Variants in SUMF1 observed in about 807,000 individuals in gnomAD.
SUMF1 encodes the protein sulfatase modifying factor 1, also known as formylglycine-generating enzyme.
A neutral mutation model predicts 47.6 loss-of-function variants in SUMF1; 48 were observed. The ratio of observed to expected loss-of-function variants is 1.01; its 90% CI spans 0.80 to 1.28. SUMF1 has a LOEUF of 1.28. SUMF1 is among the 50% of genes most tolerant of loss of function. SUMF1 has a pLI of 0.00. For synonymous variants in SUMF1, 230 were observed against 192.1 expected (o/e 1.20, Z -1.63); for missense variants, 571 against 485.4 (o/e 1.18, Z -1.66).
intron 8 of SUMF1, among the ~76,000 whole-genome samples, chr3:4,367,312 C>G (rs1405571977): frequency 1.3e-5 from 2 of 152,312 alleles, no homozygotes; most frequent in East Asian, 1.9e-4. Flanking sequence ...TGTCTGTGCC[C>G]TGCCCCCAGA....
chr3:4,174,210 G>T (rs1441793068), intron 8 of SUMF1, among the ~76,000 whole-genome samples: 1 of 151,788 alleles, frequency 6.6e-6, no homozygotes, highest in East Asian at 1.9e-4. Context: ...CAAAAAATTA[G>T]CCAGGCATGG....
At chr3:4,426,038 G>A (rs1438881788) in intron 3 of SUMF1, among the ~76,000 whole-genome samples, 1 of 152,042 alleles carries the variant, frequency 6.6e-6, no homozygotes, top group Non-Finnish European at 1.5e-5. Context: ...ACCTACCACC[G>A]GGTCCCTCCC....
At position 4,175,458 on chromosome 3, in the gene SUMF1, G is replaced by A. The variant is rs142678079; in HGVS notation, c.1015-106713C>T. 3.0e-3 allele frequency among the ~76,000 whole-genome samples: 463 copies of A among 152,268 alleles called. 4 individuals are homozygous for A. Among genetic ancestry groups the A allele is most frequent in the African/African-American group, 0.01 (436 of 41,550 alleles). On this transcript the variant is annotated intron_variant and NMD_transcript_variant, in intron 8 of 12. Transcript: ENST00000448413. ...CTGCAGCTGAGGGACCTGACTGTTA[G>A]AAGGAAAACTAACAAACAAAAAGCA...
intron 8 of SUMF1, among the ~76,000 whole-genome samples, chr3:4,299,168 T>C (rs1233668589): frequency 1.3e-5 from 2 of 152,210 alleles, no homozygotes; most frequent in Non-Finnish European, 2.9e-5. Context: ...TTAAAATCTA[T>C]AGCTTCTGAG....
intron 2 of SUMF1, among the ~76,000 whole-genome samples, chr3:4,450,500 A>C (rs1353133203): frequency 6.6e-6 from 1 of 152,036 alleles, no homozygotes; most frequent in Non-Finnish European, 1.5e-5. Context: ...GCCATGACTA[A>C]CTACCTAAGC....
At chr3:4,340,569 G>A (rs1372111331) in intron 8 of SUMF1, among the ~76,000 whole-genome samples, 1 of 152,214 alleles carries the variant, frequency 6.6e-6, no homozygotes. Context: ...TGTTGCCAGA[G>A]AGGACTCAGG....
intron 8 of SUMF1, among the ~76,000 whole-genome samples, chr3:4,166,601 G>C (rs533584943): frequency 2.0e-5 from 3 of 152,262 alleles, no homozygotes; most frequent in Non-Finnish European, 4.4e-5. Context: ...GTGGTTTTTA[G>C]AAGCATGACT....
chr3:4,262,046 T>C (rs905203427), intron 8 of SUMF1, among the ~76,000 whole-genome samples: 4 of 152,154 alleles, frequency 2.6e-5, no homozygotes, highest in Non-Finnish European at 5.9e-5. Context: ...TGGCCAAAAC[T>C]GACCACATCT....
chr3:4,453,012 G>C lies in SUMF1; in HGVS notation c.308C>G (p.Thr103Arg), dbSNP rs1321890622. 1 of 1,613,848 alleles carries C rather than the reference G, an allele frequency of 6.2e-7. No homozygotes were observed. Among genetic ancestry groups the C allele is most frequent in the African/African-American group, 1.3e-5 (1 of 74,916 alleles). The stretch of plus-strand genomic sequence containing the variant: ...ATCCTGCTTTATCTGAGGATCATCT[G>C]TGCCCATTGTAAATACTCCAGCAGG... The part of the protein sequence containing the change: ...PIPAGVFTMG[T>R]DDPQIKQDGE... Residue 103 changes from threonine (T) to arginine (R), a missense_variant, in exon 2 of 9, where the codon ACA becomes AGA. Coordinates refer to ENST00000272902, the MANE Select transcript of SUMF1 (RefSeq NM_182760.4).
intron 8 of SUMF1, among the ~76,000 whole-genome samples, chr3:4,199,328 T>C (rs1295321794): frequency 6.6e-6 from 1 of 152,214 alleles, no homozygotes; most frequent in Non-Finnish European, 1.5e-5. Flanking sequence ...CTCCTTCTTA[T>C]TGCTGAATGG....
At chr3:4,421,115 G>T (rs1701884752) in intron 3 of SUMF1, among the ~76,000 whole-genome samples, 1 of 152,166 alleles carries the variant, frequency 6.6e-6, no homozygotes, top group Admixed American at 6.5e-5. Flanking sequence ...AATAACAACA[G>T]TCAGGAGTCC....
chr3:4,066,968 A>C (rs1695392526), intron 9 of SUMF1, among the ~76,000 whole-genome samples: 1 of 152,094 alleles, frequency 6.6e-6, no homozygotes. Flanking sequence ...TTACTGAAAA[A>C]TTAACCACAG....
chr3:4,043,486 C>A (rs1327718000), intron 9 of SUMF1, among the ~76,000 whole-genome samples: 1 of 152,100 alleles, frequency 6.6e-6, no homozygotes, highest in East Asian at 1.9e-4. Context: ...CCTCTCTCAG[C>A]CCTCTCCTCA....
intron 8 of SUMF1, among the ~76,000 whole-genome samples, chr3:4,155,367 A>T (rs769820544): frequency 1.3e-5 from 2 of 151,552 alleles, no homozygotes; most frequent in Non-Finnish European, 2.9e-5. Context: ...GGGAGCAAAA[A>T]TTCCTTCTTC....
intron 8 of SUMF1, among the ~76,000 whole-genome samples, chr3:4,224,662 G>A (rs773777475): frequency 1.9e-4 from 29 of 152,128 alleles, no homozygotes; most frequent in Non-Finnish European, 2.2e-4. Flanking sequence ...GGCATAGGAT[G>A]AGTCTAGTGG....
chr3:4,400,085 G>C (rs1419763774), intron 7 of SUMF1, among the ~76,000 whole-genome samples: 1 of 152,080 alleles, frequency 6.6e-6, no homozygotes, highest in Non-Finnish European at 1.5e-5. Flanking sequence ...ACCACACCAA[G>C]ACAAGAGATA....
intron 8 of SUMF1, among the ~76,000 whole-genome samples, chr3:4,368,188 A>G (rs1275763074): frequency 6.6e-6 from 1 of 152,260 alleles, no homozygotes; most frequent in Non-Finnish European, 1.5e-5. Flanking sequence ...ACATGAACAG[A>G]CACTTCTCAG....
At chr3:4,371,391 T>C (rs1455524308) in intron 8 of SUMF1, among the ~76,000 whole-genome samples, 2 of 152,228 alleles carry the variant, frequency 1.3e-5, no homozygotes, top group Admixed American at 1.3e-4. Context: ...AGATAATGAC[T>C]TACCAGCCTT....
intron 7 of SUMF1, 144 bp from the exon 8 acceptor site, chr3:4,376,533 T>C (rs1700336132): frequency 2.4e-6 from 2 of 845,534 alleles, no homozygotes; most frequent in Non-Finnish European, 3.9e-6. Flanking sequence ...GCTTTGTATC[T>C]GTATTCGTGG....
Sources: allele counts gnomAD v4.1 joint callset (sites outside exome capture counted in the v4.1 genomes callset), GRCh38; gene constraint gnomAD v4.1.1; transcripts MANE v1.5; gene names NCBI Gene and HGNC (gene_info 2026-07-23, HGNC 2026-07-21).